DHRS2: variants seen among roughly 807,000 people sequenced by gnomAD.
DHRS2 encodes the protein dehydrogenase/reductase 2, also known as dehydrogenase/reductase SDR family member 2, mitochondrial.
Under a neutral mutation model 26.3 loss-of-function variants are expected in DHRS2, and 29 were observed. The observed-to-expected ratio is 1.10, with a 90% CI of 0.82 to 1.50. DHRS2 has a LOEUF of 1.50. Ranked by LOEUF, DHRS2 falls within the 40% of genes most tolerant of loss-of-function variation. The pLI is 0.00. For missense variants in DHRS2, 439 were observed against 367.1 expected, an observed-to-expected ratio of 1.20 and a Z score of -1.60; for synonymous variants, 164 against 151.3, an observed-to-expected ratio of 1.08 and a Z score of -0.62.
At chr14:23,643,027 G>A in intron 4 of DHRS2, 125 bp from the exon 5 acceptor site, 1 of 894,594 alleles carries the variant, frequency 1.1e-6, no homozygotes, top group Non-Finnish European at 1.8e-6. Context: ...AGGGGGATTG[G>A]TTTCTCTTAT....
In DHRS2 at chr14:23,645,187, C is replaced by T. The variant is rs1890827460; in HGVS notation, c.777C>T (p.Cys259=). The T allele has an allele frequency of 1.2e-6, 2 of 1,614,028 alleles. No individual in the cohort carries two copies. Among genetic ancestry groups the T allele is most frequent in the Admixed American group, 3.3e-5 (2 of 60,012 alleles). The change falls in exon 9 of 9, where the codon TGC becomes TGT. Residue 259 remains cysteine (C), a synonymous_variant. Coordinates refer to ENST00000250383, the MANE Select transcript of DHRS2 (RefSeq NM_005794.4). ...GTGCAGGAATCGTGTCCTTCCTGTG[C>T]TCTCCAGATGCCAGCTACGTCAACG... ...EDCAGIVSFL[C]SPDASYVNGE...
At chr14:23,636,991 C>G (rs1162619712) in intron 1 of DHRS2, among the ~76,000 whole-genome samples, 2 of 152,158 alleles carry the variant, frequency 1.3e-5, no homozygotes, top group Non-Finnish European at 2.9e-5. Flanking sequence ...TCCGCTTTTC[C>G]TGTACTTCTG....
upstream of DHRS2, among the ~76,000 whole-genome samples, chr14:23,632,530 A>T (rs1264202665): frequency 2.0e-5 from 3 of 152,218 alleles, no homozygotes; most frequent in Non-Finnish European, 4.4e-5. Flanking sequence ...AAAGCAAAGC[A>T]TTTGGTCGCC....
Position 23,639,314 on chromosome 14 carries a change from C to T in DHRS2, c.276C>T (p.Cys92=), listed in dbSNP as rs61745475. ...GGCTGAGTGTGGCGGGCATTGTGTG[C>T]CACGTGGGGAAGGCTGAGGACCGGG... ...GEGLSVAGIV[C]HVGKAEDREQ... The change falls in exon 3 of 9, where the codon TGC becomes TGT. Residue 92 remains cysteine (C), a synonymous_variant. Transcript: ENST00000250383. 0.011 allele frequency: 17,686 copies of T among 1,589,976 alleles called. 126 individuals are homozygous for T. The highest frequency in any genetic ancestry group is 0.013 in the Non-Finnish European group (15,235 of 1,168,812).
chr14:23,639,748 G>A, intron 3 of DHRS2, 46 bp from the exon 4 acceptor site: 1 of 1,545,228 alleles, frequency 6.5e-7, no homozygotes, highest in Non-Finnish European at 8.7e-7. Flanking sequence ...GGGAGGGATA[G>A]TCCTCCTCAG....
In DHRS2 at chr14:23,645,306, G is replaced by C. The variant is rs766128647; in HGVS notation, c.*53G>C. ...GGTCCCAGGCCCAGGAGCCTGAGGG[G>C]GTGTCTAGGTGATCATTTGGATCTG... On this transcript the variant is annotated 3_prime_UTR_variant, in exon 9 of 9. Coordinates refer to ENST00000250383, the MANE Select transcript of DHRS2 (RefSeq NM_005794.4). 3.7e-6 allele frequency: 6 copies of C among 1,611,712 alleles called. No homozygotes were observed. The highest frequency in any genetic ancestry group is 5.1e-6 in the Non-Finnish European group (6 of 1,179,582).
intron 4 of DHRS2, chr14:23,640,203 T>C (rs1483933937): frequency 6.1e-6 from 6 of 977,634 alleles, no homozygotes; most frequent in Non-Finnish European, 7.4e-6. Context: ...GCTCTAGGGA[T>C]ACAGCTGTGA....
chr14:23,644,433 A>C lies in DHRS2; in HGVS notation c.565A>C (p.Lys189Gln). ...GGCGCTGGGTGTCTACAATGTCAGCAAGACAGCGCTGCTGGGTCTCACTAG... is the reference window on the plus strand; with the variant it reads ...GGCGCTGGGTGTCTACAATGTCAGCCAGACAGCGCTGCTGGGTCTCACTAG... ...VVALGVYNVS[K>Q]TALLGLTRTL... Residue 189 changes from lysine (K) to glutamine (Q), a missense_variant, in exon 7 of 9, where the codon AAG becomes CAG. Transcript: ENST00000250383. 6.2e-7 allele frequency: 1 copy of C among 1,614,174 alleles called. No individual in the cohort carries two copies. The highest frequency in any genetic ancestry group is 8.5e-7 in the Non-Finnish European group (1 of 1,180,036).
chr14:23,633,035 G>GGAA (rs1566695223), upstream of DHRS2, among the ~76,000 whole-genome samples: 1 of 152,220 alleles, frequency 6.6e-6, no homozygotes, highest in African/African-American at 2.4e-5. Flanking sequence ...CCCACATAGG[G>GGAA]GAAGGCAGGA....
upstream of DHRS2, among the ~76,000 whole-genome samples, chr14:23,631,724 T>G (rs79297864): frequency 0.013 from 2,024 of 152,244 alleles, 20 homozygotes; most frequent in Middle Eastern, 0.027. Context: ...AGTGCCAGGC[T>G]CAGGGACCAT....
intron 5 of DHRS2, 55 bp downstream of exon 5, chr14:23,643,274 A>G: frequency 6.5e-7 from 1 of 1,530,078 alleles, no homozygotes; most frequent in East Asian, 2.3e-5. Flanking sequence ...AGGTGGGCAC[A>G]GAAATACAGT....
chr14:23,639,237 A>C lies in DHRS2; in HGVS notation c.199A>C (p.Ser67Arg). The change falls in exon 3 of 9, where the codon AGC (serine) becomes CGC (arginine). Residue 67 changes from serine to arginine, a missense_variant. Transcript: ENST00000250383. Reference protein sequence around the residue: ...ARDGAHVVISSRKQQNVDRAM... With the variant: ...ARDGAHVVISRRKQQNVDRAM... ...GGACGGGGCCCACGTGGTCATCAGC[A>C]GCCGGAAGCAGCAGAACGTGGACCG... is the stretch of plus-strand genomic sequence containing the variant. 2 of 1,613,836 alleles carry C rather than the reference A, an allele frequency of 1.2e-6. No homozygotes were observed. The highest frequency in any genetic ancestry group is 1.7e-4 in the Middle Eastern group (1 of 6,036).
At chr14:23,642,212 G>A in intron 4 of DHRS2, 2 of 979,394 alleles carry the variant, frequency 2.0e-6, no homozygotes, top group Non-Finnish European at 2.4e-6. Flanking sequence ...GCGATAAGCT[G>A]GTGTGTGTAG....
chr14:23,632,251 CA>C (rs1267472826), upstream of DHRS2, among the ~76,000 whole-genome samples: 1 of 152,142 alleles, frequency 6.6e-6, no homozygotes, highest in Non-Finnish European at 1.5e-5. Context: ...AGGAGTTCCC[CA>C]GGGGGGGCAT....
intron 4 of DHRS2, chr14:23,641,573 G>C: frequency 7.8e-7 from 1 of 1,277,090 alleles, no homozygotes; most frequent in Non-Finnish European, 1.0e-6. Context: ...TGATGCACAT[G>C]GAGTATTGGA....
chr14:23,645,115 T>A, intron 8 of DHRS2, 27 bp from the exon 9 acceptor site: 1 of 1,613,748 alleles, frequency 6.2e-7, no homozygotes, highest in Non-Finnish European at 8.5e-7. Flanking sequence ...TACAAGATGC[T>A]TGACACTGTG....
In DHRS2 at chr14:23,638,939, C is replaced by T. The variant is rs931620407; in HGVS notation, c.75C>T (p.Ser25=). The stretch of plus-strand genomic sequence containing the variant: ...CTAGGCTTTCTGTGAGGATGAGCAG[C>T]ACCGGGATAGACAGGAAGGGCGTCC... ...PCARLSVRMS[S]TGIDRKGVLA... The change falls in exon 2 of 9, where the codon AGC becomes AGT. Residue 25 remains serine (S), a synonymous_variant. Coordinates refer to ENST00000250383, the MANE Select transcript of DHRS2 (RefSeq NM_005794.4). 13 of 1,614,078 alleles carry T rather than the reference C, an allele frequency of 8.1e-6. No individual in the cohort carries two copies. Among genetic ancestry groups the T allele is most frequent in the Admixed American group, 1.7e-5 (1 of 60,006 alleles).
chr14:23,643,180 C>G lies in DHRS2; in HGVS notation c.449C>G (p.Ala150Gly). The G allele has an allele frequency of 6.2e-7, 1 of 1,614,076 alleles. No homozygotes were observed. Among genetic ancestry groups the G allele is most frequent in the Non-Finnish European group, 8.5e-7 (1 of 1,180,012 alleles). ...CTAAGTGTGAACGTGAAGTCCCCAG[C>G]CCTGCTGCTGAGCCAGTTGCTGCCC... ...KILSVNVKSP[A>G]LLLSQLLPYM... Residue 150 changes from alanine (A) to glycine (G), a missense_variant, in exon 5 of 9, where the codon GCC becomes GGC. Ala to Gly is a moderately conservative substitution (Grantham distance 60, BLOSUM62 0). Transcript: ENST00000250383.
chr14:23,644,119 CT>C lies in DHRS2; in HGVS notation c.498del (p.Val167SerfsTer13). 6.2e-7 allele frequency: 1 copy of C among 1,614,154 alleles called. No homozygotes were observed. On this transcript the variant is annotated frameshift_variant, in exon 6 of 9. Coordinates refer to ENST00000250383, the MANE Select transcript of DHRS2 (RefSeq NM_005794.4). LOFTEE classifies it high-confidence loss of function. ...TGTTTGTCTTGTCTCAGGAGGGGTG[CT>C]GTCATCCTGGTCTCTTCCATTGCAG... ...LLPYMENRRG[A>X]VILVSSIAAY...
Sources: allele counts gnomAD v4.1 joint callset (sites outside exome capture counted in the v4.1 genomes callset), GRCh38; gene constraint gnomAD v4.1.1; transcripts MANE v1.5; gene names NCBI Gene and HGNC (gene_info 2026-07-23, HGNC 2026-07-21).